STPG2: variants seen among roughly 807,000 people sequenced by gnomAD.
STPG2 encodes sperm tail PG-rich repeat containing 2, also known as sperm-tail PG-rich repeat-containing protein 2.
STPG2 carries 56 observed loss-of-function variants against 54.2 expected under a neutral mutation model. The ratio of observed to expected loss-of-function variants is 1.03; its 90% CI spans 0.83 to 1.29. The LOEUF is 1.29. STPG2 is among the 50% of genes most tolerant of loss of function. The pLI, the probability that STPG2 is intolerant of heterozygous loss-of-function variation, is 0.00. For synonymous variants in STPG2, 200 were observed against 181.8 expected, an observed-to-expected ratio of 1.10 and a Z score of -0.81; for missense variants, 596 against 544.9, an observed-to-expected ratio of 1.09 and a Z score of -0.93.
chr4:97,526,829 A>T (rs1731291298), intron 4 of STPG2, among the ~76,000 whole-genome samples: 1 of 151,992 alleles, frequency 6.6e-6, no homozygotes, highest in Non-Finnish European at 1.5e-5. Flanking sequence ...TAAGCCTTTA[A>T]TCCATCTTGA....
At chr4:97,623,924 TA>T (rs1178240211) in intron 10 of STPG2, among the ~76,000 whole-genome samples, 1 of 152,196 alleles carries the variant, frequency 6.6e-6, no homozygotes, top group Non-Finnish European at 1.5e-5. Context: ...TTGCTGAGGA[TA>T]ATGGCTTCCG....
intron 8 of STPG2, among the ~76,000 whole-genome samples, chr4:97,848,852 G>A (rs1338050581): frequency 6.7e-6 from 1 of 150,116 alleles, no homozygotes; most frequent in African/African-American, 2.5e-5. Flanking sequence ...CTGTTCCATT[G>A]ATCTATATCT....
chr4:98,103,175 A>G (rs1739095076), intron 5 of STPG2, among the ~76,000 whole-genome samples: 1 of 152,220 alleles, frequency 6.6e-6, no homozygotes, highest in Non-Finnish European at 1.5e-5. Flanking sequence ...ATAAAACAAC[A>G]GAAAATTCAA....
intron 10 of STPG2, among the ~76,000 whole-genome samples, chr4:97,661,613 T>G (rs779948229): frequency 2.6e-5 from 4 of 152,088 alleles, no homozygotes; most frequent in Non-Finnish European, 5.9e-5. Flanking sequence ...AAAAAGGGTA[T>G]AGCTGAAATT....
chr4:98,115,529 T>G (rs759584322), intron 3 of STPG2, among the ~76,000 whole-genome samples: 1 of 152,028 alleles, frequency 6.6e-6, no homozygotes, highest in East Asian at 1.9e-4. Context: ...CAACTCTTAA[T>G]TCTGTATTTA....
chr4:97,742,305 G>A (rs1725269099), intron 9 of STPG2, among the ~76,000 whole-genome samples: 1 of 151,332 alleles, frequency 6.6e-6, no homozygotes, highest in Non-Finnish European at 1.5e-5. Context: ...CATGGCACAT[G>A]TATACATATG....
chr4:97,528,145 A>G (rs1731325582), intron 4 of STPG2, among the ~76,000 whole-genome samples: 1 of 152,002 alleles, frequency 6.6e-6, no homozygotes, highest in Non-Finnish European at 1.5e-5. Context: ...TTATGTTTCA[A>G]TCTTTAATCC....
At chr4:98,038,105 G>T (rs928875872) in intron 5 of STPG2, among the ~76,000 whole-genome samples, 2 of 143,312 alleles carry the variant, frequency 1.4e-5, no homozygotes, top group Admixed American at 1.4e-4. Context: ...GAACTCCTGG[G>T]CTAAAGCTAT....
chr4:97,933,582 G>A (rs1055429942), intron 8 of STPG2, among the ~76,000 whole-genome samples: 1 of 152,140 alleles, frequency 6.6e-6, no homozygotes, highest in Admixed American at 6.5e-5. Context: ...TTCTGTATAT[G>A]GTTGGCCAGT....
intron 5 of STPG2, among the ~76,000 whole-genome samples, chr4:98,047,922 T>C (rs1737188927): frequency 6.6e-6 from 1 of 152,156 alleles, no homozygotes; most frequent in African/African-American, 2.4e-5. Context: ...ACGTGATACA[T>C]AAATGTAGAT....
chr4:98,026,376 T>C, intron 5 of STPG2: 1 of 433,492 alleles, frequency 2.3e-6, no homozygotes, highest in East Asian at 4.6e-5. Context: ...TGCCTCGACA[T>C]TTATCCTCTT....
chr4:97,614,438 T>C (rs1388730699), intron 10 of STPG2, among the ~76,000 whole-genome samples: 2 of 152,116 alleles, frequency 1.3e-5, no homozygotes, highest in Non-Finnish European at 2.9e-5. Context: ...GAGAAGACTC[T>C]CTGGTGAAGC....
intron 1 of STPG2, among the ~76,000 whole-genome samples, chr4:98,137,225 A>G (rs956397587): frequency 6.6e-6 from 1 of 151,792 alleles, no homozygotes; most frequent in African/African-American, 2.4e-5. Context: ...TGGCTTTAGA[A>G]CAAGGAATAA....
chr4:97,813,621 T>C (rs2149098703), intron 9 of STPG2, among the ~76,000 whole-genome samples: 2 of 132,102 alleles, frequency 1.5e-5, no homozygotes, highest in African/African-American at 5.9e-5. Context: ...ACAGGAGAAT[T>C]GCTTGAGCCC....
intron 8 of STPG2, among the ~76,000 whole-genome samples, chr4:97,927,212 C>A (rs1178612896): frequency 7.7e-6 from 1 of 129,366 alleles, no homozygotes; most frequent in South Asian, 2.6e-4. Context: ...TCATTCTCAA[C>A]TCTATGTATT....
chr4:97,776,084 G>A (rs1029094882), intron 9 of STPG2, among the ~76,000 whole-genome samples: 3 of 152,056 alleles, frequency 2.0e-5, no homozygotes, highest in African/African-American at 7.2e-5. Flanking sequence ...TTTAAAATAT[G>A]CAAAATATCA....
intron 8 of STPG2, among the ~76,000 whole-genome samples, chr4:97,882,348 C>T (rs1456061986): frequency 1.3e-5 from 2 of 152,176 alleles, no homozygotes; most frequent in African/African-American, 2.4e-5. Context: ...CCACCCAGGT[C>T]ATTCTCCCAT....
intron 10 of STPG2, 60 bp from the exon 11 acceptor site, chr4:97,559,177 T>C (rs1198727626): frequency 9.1e-7 from 1 of 1,100,120 alleles, no homozygotes; most frequent in Non-Finnish European, 1.3e-6. Context: ...AGAAAAATAA[T>C]ATTCATTATT....
intron 4 of STPG2, among the ~76,000 whole-genome samples, chr4:97,544,330 A>G (rs892913276): frequency 6.6e-6 from 1 of 152,026 alleles, no homozygotes; most frequent in Non-Finnish European, 1.5e-5. Context: ...TGTATATGCT[A>G]TAGTGTTTAT....
Sources: gnomAD v4.1 joint callset for allele counts (sites outside exome capture counted in the v4.1 genomes callset) on GRCh38, gnomAD v4.1.1 for gene constraint, MANE v1.5 for transcripts, NCBI Gene and HGNC (gene_info 2026-07-23, HGNC 2026-07-21) for gene names.